Variants in BCLAF1 observed in about 807,000 individuals in gnomAD.
BCLAF1 encodes BCL2 associated transcription factor 1.
A neutral mutation model predicts 99.5 loss-of-function variants in BCLAF1; 10 were observed. The ratio of observed to expected loss-of-function variants is 0.10; its 90% confidence interval spans 0.06 to 0.17. The LOEUF is 0.17. Ranked by LOEUF, BCLAF1 falls within the 10% of genes least tolerant of loss-of-function variation. The probability of loss-of-function intolerance (pLI) is 1.00; values close to 1 mark genes in which losing one functional copy is unlikely to be tolerated. For synonymous variants in BCLAF1, 255 were observed against 370.9 expected (o/e 0.69, Z 3.59); for missense variants, 636 against 1,105.8 (o/e 0.58, Z 6.02).
intron 6 of BCLAF1, 38 bp from the exon 7 acceptor site, chr6:136,273,225 T>A: frequency 6.4e-7 from 1 of 1,560,048 alleles, no homozygotes. Flanking sequence ...ATTAGTTAAC[T>A]TTACTTTAAG....
intron 8 of BCLAF1, 174 bp downstream of exon 8, chr6:136,271,816 TTAGTA>T (rs1782574139): frequency 4.2e-6 from 2 of 471,130 alleles, no homozygotes; most frequent in Non-Finnish European, 7.6e-6. Flanking sequence ...TTTAAGACAC[TTAGTA>T]TAGTGTCACC....
At chr6:136,272,721 A>G (rs1258188016) in intron 7 of BCLAF1, among the ~76,000 whole-genome samples, 6 of 152,082 alleles carry the variant, frequency 3.9e-5, no homozygotes, top group East Asian at 1.9e-4. Flanking sequence ...TCTGACTTCA[A>G]TGCTCATGCT....
At position 136,259,107 on chromosome 6, in the gene BCLAF1, C is replaced by T. The variant is rs1318263315; in HGVS notation, c.*2003G>A. ...TTGGATCTGAAAAAGGTAACATCCA[C>T]AATGACATTCTATTACAGAGTTCTT... On this transcript the variant is annotated 3_prime_UTR_variant, in exon 13 of 13. Transcript: ENST00000531224. The T allele has an allele frequency of 6.6e-6, 1 of 151,996 alleles. No individual in the cohort carries two copies. Among genetic ancestry groups the T allele is most frequent in the Admixed American group, 6.6e-5 (1 of 15,262 alleles). 9.4% of individuals were successfully genotyped at this position (151,996 alleles called of 1,614,324 possible).
chr6:136,271,899 T>A, intron 8 of BCLAF1, 96 bp downstream of exon 8: 2 of 819,640 alleles, frequency 2.4e-6, no homozygotes, highest in Non-Finnish European at 4.0e-6. Flanking sequence ...AAGTAGAAGA[T>A]ATCTATAGAC....
At chr6:136,278,828 C>T (rs1783953855) in intron 3 of BCLAF1, 52 bp from the exon 4 acceptor site, 4 of 1,415,410 alleles carry the variant, frequency 2.8e-6, no homozygotes, top group Non-Finnish European at 3.7e-6. Context: ...TCCATGCTAC[C>T]ATTCTAAATA....
chr6:136,262,159 A>C (rs1034382844), intron 11 of BCLAF1, among the ~76,000 whole-genome samples: 15 of 152,080 alleles, frequency 9.9e-5, no homozygotes, highest in Admixed American at 9.8e-4. Context: ...ATGATCCCCA[A>C]ATTATGAAAT....
chr6:136,277,842 A>T, intron 4 of BCLAF1, 23 bp downstream of exon 4: 1 of 1,595,926 alleles, frequency 6.3e-7, no homozygotes, highest in Non-Finnish European at 8.5e-7. Flanking sequence ...ATTATAATCT[A>T]GATTCTGTAT....
rs542996905 is a variant in BCLAF1, at chr6:136,259,091, A to C, written c.*2019T>G. On this transcript the variant is annotated 3_prime_UTR_variant, in exon 13 of 13. Coordinates refer to ENST00000531224, the MANE Select transcript of BCLAF1 (RefSeq NM_014739.3). ...CAGGCTTTTTATATGCTTGGATCTG[A>C]AAAAGGTAACATCCACAATGACATT... 1 of 152,186 alleles carries C rather than the reference A, an allele frequency of 6.6e-6. No homozygotes were observed. The highest frequency in any genetic ancestry group is 2.1e-4 in the South Asian group (1 of 4,826). The allele number at this position is 152,186 out of a possible 1,614,324, so 9.4% of individuals were successfully genotyped here.
At chr6:136,264,379 G>A (rs903083177) in intron 11 of BCLAF1, among the ~76,000 whole-genome samples, 16 of 151,530 alleles carry the variant, frequency 1.1e-4, no homozygotes, top group Non-Finnish European at 2.2e-4. Context: ...GCTAATTTTC[G>A]TTTTTTTTGT....
intron 1 of BCLAF1, among the ~76,000 whole-genome samples, chr6:136,289,217 G>A (rs1226477763): frequency 1.3e-5 from 2 of 152,240 alleles, no homozygotes; most frequent in Non-Finnish European, 2.9e-5. Context: ...TTTGCTGCGG[G>A]TCACAGTTAT....
chr6:136,263,130 T>C (rs1379424243), intron 11 of BCLAF1, among the ~76,000 whole-genome samples: 1 of 152,192 alleles, frequency 6.6e-6, no homozygotes, highest in Non-Finnish European at 1.5e-5. Flanking sequence ...TAAGATAGTA[T>C]TACTGCCCTC....
intron 2 of BCLAF1, among the ~76,000 whole-genome samples, chr6:136,281,699 AT>A (rs1784404343): frequency 6.6e-6 from 1 of 152,202 alleles, no homozygotes; most frequent in Non-Finnish European, 1.5e-5. Context: ...AGAGCTACAG[AT>A]GCTGTGTTGT....
Position 136,268,223 on chromosome 6 carries a change from G to A in BCLAF1, c.2336C>T (p.Thr779Ile). The A allele has an allele frequency of 6.3e-7, 1 of 1,581,460 alleles. No individual in the cohort carries two copies. The highest frequency in any genetic ancestry group is 8.6e-7 in the Non-Finnish European group (1 of 1,168,760). Residue 779 changes from threonine (T) to isoleucine (I), a missense_variant, in exon 10 of 13, where the codon ACT becomes ATT. Physicochemically the swap from Thr to Ile is moderately conservative, Grantham distance 89. Transcript: ENST00000531224. ...SKKEREEEFK[T>I]HHEMKEYSGF... is the part of the protein sequence containing the mutation. ...TGAGTATTCTTTCATTTCATGGTGAGTTTTAAATTCTTCTTCTCTTTCCTT... is the reference window on the plus strand; with the variant it reads ...TGAGTATTCTTTCATTTCATGGTGAATTTTAAATTCTTCTTCTCTTTCCTT...
At chr6:136,263,812 A>G (rs1370911180) in intron 11 of BCLAF1, among the ~76,000 whole-genome samples, 2 of 152,184 alleles carry the variant, frequency 1.3e-5, no homozygotes, top group African/African-American at 4.8e-5. Context: ...TCACCCCTCC[A>G]TAGAATTTCA....
chr6:136,268,382 A>G (rs373608999), intron 9 of BCLAF1, 43 bp from the exon 10 acceptor site: 1 of 1,508,636 alleles, frequency 6.6e-7, no homozygotes, highest in Non-Finnish European at 9.0e-7. Context: ...TTTTAAAAAG[A>G]TAAAGACCCT....
chr6:136,284,790 G>C (rs1204392836), intron 1 of BCLAF1, among the ~76,000 whole-genome samples: 1 of 151,888 alleles, frequency 6.6e-6, no homozygotes, highest in African/African-American at 2.4e-5. Flanking sequence ...GGGGAAGACA[G>C]AAAACAAGGA....
At chr6:136,284,881 CTACT>C (rs772257315) in intron 1 of BCLAF1, among the ~76,000 whole-genome samples, 1 of 151,984 alleles carries the variant, frequency 6.6e-6, no homozygotes, top group Non-Finnish European at 1.5e-5. Context: ...GGCAGGGGGA[CTACT>C]TACTTAGGTG....
At chr6:136,284,111 T>C (rs1584104415) in intron 1 of BCLAF1, among the ~76,000 whole-genome samples, 2 of 102,946 alleles carry the variant, frequency 1.9e-5, no homozygotes, top group African/African-American at 1.1e-4. Context: ...TATATATACA[T>C]ATATATGTGT....
chr6:136,266,947 G>T, intron 11 of BCLAF1, 82 bp downstream of exon 11: 1 of 1,474,250 alleles, frequency 6.8e-7, no homozygotes, highest in Non-Finnish European at 9.3e-7. Flanking sequence ...TTATAGTAGT[G>T]GTTATCTGTA....
Sources: gnomAD v4.1 joint callset for allele counts (sites outside exome capture counted in the v4.1 genomes callset) on GRCh38, gnomAD v4.1.1 for gene constraint, MANE v1.5 for transcripts, NCBI Gene and HGNC (gene_info 2026-07-23, HGNC 2026-07-21) for gene names.